NLRP14: variants seen among roughly 807,000 people sequenced by gnomAD.
The protein encoded by NLRP14 is NLR family pyrin domain containing 14.
NLRP14 carries 105 observed loss-of-function variants against 94.7 expected under a neutral mutation model. The observed-to-expected ratio is 1.11, with a 90% CI of 0.95 to 1.30. The LOEUF (loss-of-function observed/expected upper bound fraction) is 1.30. Ranked by LOEUF, NLRP14 falls within the 50% of genes most tolerant of loss-of-function variation. The pLI is 0.00. For missense variants in NLRP14, 1,362 were observed against 1,254.1 expected, an observed-to-expected ratio of 1.09 and a Z score of -1.30; for synonymous variants, 508 against 459.9, an observed-to-expected ratio of 1.10 and a Z score of -1.34.
At chr11:7,089,670 G>A in the NLRP14 span, 18 of 1,469,640 alleles carry the variant, frequency 1.2e-5, no homozygotes, top group African/African-American at 2.8e-5. Context: ...GGCCCTGGCC[G>A]TGCGGGGGCG....
At chr11:7,054,323 CACAGTGGAATTGCTG>C (rs1187491372) in intron 6 of NLRP14, among the ~76,000 whole-genome samples, 3 of 152,036 alleles carry the variant, frequency 2.0e-5, no homozygotes, top group African/African-American at 7.2e-5. Context: ...GTATATACTC[CACAGTGGAATTGCTG>C]GATCATACGG....
Position 7,057,735 on chromosome 11 carries a change from A to G in NLRP14, c.2350A>G (p.Arg784Gly). ...TCTAAATATATCTAATGCTCTCATC[A>G]GAAGCCAGAGCCTGATATTTCTGAA... Reference protein sequence around the residue: ...CCLNISNALIRSQSLIFLNLS... With the variant: ...CCLNISNALIGSQSLIFLNLS... Residue 784 changes from arginine to glycine, a missense_variant, in exon 7 of 12, where the codon AGA (arginine) becomes GGA (glycine). By Grantham distance (125) the Arg-to-Gly change is moderately radical. Transcript: ENST00000299481. The G allele has an allele frequency of 6.2e-7, 1 of 1,612,614 alleles. No homozygotes were observed. Among genetic ancestry groups the G allele is most frequent in the Non-Finnish European group, 8.5e-7 (1 of 1,178,782 alleles).
chr11:7,039,909 C>A, intron 3 of NLRP14, 124 bp downstream of exon 3: 1 of 792,668 alleles, frequency 1.3e-6, no homozygotes. Context: ...CACCTGTTCC[C>A]TGAATGTCAC....
intron 6 of NLRP14, among the ~76,000 whole-genome samples, chr11:7,050,685 TTC>T (rs1189528913): frequency 6.6e-6 from 1 of 152,186 alleles, no homozygotes; most frequent in Non-Finnish European, 1.5e-5. Flanking sequence ...GAATAAGACT[TTC>T]TTTGACGTTT....
At chr11:7,087,183 C>G in the NLRP14 span, among the ~76,000 whole-genome samples, 1 of 152,358 alleles carries the variant, frequency 6.6e-6, no homozygotes, top group Non-Finnish European at 1.5e-5. Context: ...AACTGCAAAT[C>G]AGAAAATCTT....
chr11:7,077,839 A>C, the NLRP14 span, among the ~76,000 whole-genome samples: 3 of 152,194 alleles, frequency 2.0e-5, no homozygotes, highest in Non-Finnish European at 4.4e-5. Flanking sequence ...ACAACATGTG[A>C]GAATTCAAGA....
chr11:7,077,650 C>T, the NLRP14 span, among the ~76,000 whole-genome samples: 4 of 152,326 alleles, frequency 2.6e-5, no homozygotes, highest in Non-Finnish European at 4.4e-5. Context: ...GGAAGCCTCA[C>T]AATCATGGCA....
chr11:7,058,389 G>T lies in NLRP14; in HGVS notation c.2572G>T (p.Gly858Cys), dbSNP rs757683254. 6.2e-7 allele frequency: 1 copy of T among 1,612,818 alleles called. No individual in the cohort carries two copies. The highest frequency in any genetic ancestry group is 1.7e-5 in the Admixed American group (1 of 59,932). ...CTTGGCAGACAATGTCTTGGGTGAT[G>T]GTGGAGTAAAGCTTATGAGTGATGC... ...LCLADNVLGD[G>C]GVKLMSDALQ... The change falls in exon 8 of 12, where the codon GGT (glycine) becomes TGT (cysteine). Residue 858 changes from glycine to cysteine, a missense_variant. Gly to Cys is a radical substitution (Grantham distance 159). Transcript: ENST00000299481.
chr11:7,025,307 A>G lies in NLRP14; in HGVS notation c.-22+4537A>G, dbSNP rs147284496. Reference sequence around the variant, plus strand: ...TAGTAGGATAAAGGGGCTTCAATACATCAGCCAAAATATCATCTCTCCCTA... The same window carrying G: ...TAGTAGGATAAAGGGGCTTCAATACGTCAGCCAAAATATCATCTCTCCCTA... On this transcript the variant is annotated intron_variant, in intron 1 of 11. Transcript: ENST00000299481. Among the ~76,000 whole-genome samples, 489 of 152,300 alleles carry G rather than the reference A, an allele frequency of 3.2e-3. 2 individuals are homozygous for G. The highest frequency in any genetic ancestry group is 5.0e-3 in the Non-Finnish European group (338 of 68,010).
downstream of NLRP14, among the ~76,000 whole-genome samples, chr11:7,072,881 C>T (rs184522846): frequency 4.6e-5 from 7 of 152,268 alleles, no homozygotes; most frequent in Non-Finnish European, 8.8e-5. Flanking sequence ...TAGTTTTATG[C>T]TCACCTGTCC....
In NLRP14 at chr11:7,020,487, G is replaced by C. The variant is rs1336925411; in HGVS notation, c.-305G>C. The C allele has an allele frequency of 6.6e-6, 1 of 152,346 alleles. No homozygotes were observed. Among genetic ancestry groups the C allele is most frequent in the African/African-American group, 2.4e-5 (1 of 41,466 alleles). 9.4% of individuals were successfully genotyped at this position (152,346 alleles called of 1,614,324 possible). A position where few individuals can be genotyped will look rare whatever the true frequency, so the allele number is the denominator to read the frequency against. Reference sequence around the variant, plus strand: ...GACCTTTGGCCGCTGGCATTCCTGCGCGGGCGGGAGCTGCGGGCGCTCGGG... The same window carrying C: ...GACCTTTGGCCGCTGGCATTCCTGCCCGGGCGGGAGCTGCGGGCGCTCGGG... On this transcript the variant is annotated 5_prime_UTR_variant, in exon 1 of 12. Coordinates refer to ENST00000299481, the MANE Select transcript of NLRP14 (RefSeq NM_176822.4).
At chr11:7,085,368 C>T in the NLRP14 span, among the ~76,000 whole-genome samples, 3 of 152,288 alleles carry the variant, frequency 2.0e-5, no homozygotes, top group African/African-American at 7.2e-5. Flanking sequence ...AAACTCTGTA[C>T]TCATTAAGCA....
intron 5 of NLRP14, among the ~76,000 whole-genome samples, chr11:7,047,186 A>C (rs1487333360): frequency 6.6e-6 from 1 of 152,248 alleles, no homozygotes; most frequent in Non-Finnish European, 1.5e-5. Context: ...AAAAATTTGC[A>C]TTTAACAAAG....
In NLRP14 at chr11:7,043,472, T is replaced by C; in HGVS notation, c.1446T>C (p.His482=). The C allele has an allele frequency of 6.2e-7, 1 of 1,614,184 alleles. No individual in the cohort carries two copies. Among genetic ancestry groups the C allele is most frequent in the Non-Finnish European group, 8.5e-7 (1 of 1,180,030 alleles). The change falls in exon 4 of 12, where the codon CAT becomes CAC. Residue 482 remains histidine (H), a synonymous_variant. Transcript: ENST00000299481. ...ACTGCTATGTGTTCACCCACCTTCA[T>C]GTTCAGGAGTTTTTTGCAGCTATGT... is the stretch of plus-strand genomic sequence containing the variant. ...YENCYVFTHL[H]VQEFFAAMFY...
intron 4 of NLRP14, among the ~76,000 whole-genome samples, chr11:7,044,868 A>T (rs1040928838): frequency 1.6e-4 from 25 of 152,232 alleles, no homozygotes; most frequent in African/African-American, 6.0e-4. Flanking sequence ...TATTGATTCA[A>T]GCACACATCA....
downstream of NLRP14, among the ~76,000 whole-genome samples, chr11:7,075,138 A>G (rs1356373113): frequency 1.3e-5 from 2 of 152,140 alleles, no homozygotes; most frequent in African/African-American, 4.8e-5. Flanking sequence ...CTCTCCTGAC[A>G]TGAATGGGAA....
At chr11:7,042,347 G>A (rs762771376) in intron 3 of NLRP14, 41 bp from the exon 4 acceptor site, 6 of 1,557,434 alleles carry the variant, frequency 3.9e-6, no homozygotes, top group East Asian at 2.2e-5. Flanking sequence ...TTGATCATGT[G>A]TCTTTGTTTT....
chr11:7,085,294 A>T, the NLRP14 span, among the ~76,000 whole-genome samples: 2 of 152,198 alleles, frequency 1.3e-5, no homozygotes, highest in Non-Finnish European at 2.9e-5. Flanking sequence ...CCAGTTTAGT[A>T]GTGTTAAGTG....
chr11:7,046,630 T>C (rs748875937), intron 4 of NLRP14, 38 bp from the exon 5 acceptor site: 2 of 1,586,812 alleles, frequency 1.3e-6, no homozygotes, highest in Admixed American at 3.3e-5. Context: ...TGAAATAAAA[T>C]CAGCATTGTT....
Sources: gnomAD v4.1 joint callset for allele counts (sites outside exome capture counted in the v4.1 genomes callset) on GRCh38, gnomAD v4.1.1 for gene constraint, MANE v1.5 for transcripts, NCBI Gene and HGNC (gene_info 2026-07-23, HGNC 2026-07-21) for gene names.